Variants in IPO11 observed in about 807,000 individuals in gnomAD.
IPO11 encodes importin 11, also known as importin-11.
In IPO11, 66 loss-of-function variants were observed where a neutral mutation model predicts 143.2. The ratio of observed to expected loss-of-function variants is 0.46; its 90% CI spans 0.38 to 0.57. The LOEUF (loss-of-function observed/expected upper bound fraction) is 0.57. Ranked by LOEUF, IPO11 falls within the 20% of genes least tolerant of loss-of-function variation. IPO11 has a pLI of 0.00. For missense variants in IPO11, 1,026 were observed against 1,141.0 expected, an observed-to-expected ratio of 0.90 and a Z score of 1.45; for synonymous variants, 385 against 377.8, an observed-to-expected ratio of 1.02 and a Z score of -0.22.
intron 5 of IPO11, among the ~76,000 whole-genome samples, chr5:62,457,854 A>T (rs1162456422): frequency 2.0e-5 from 3 of 152,220 alleles, no homozygotes; most frequent in African/African-American, 7.2e-5. Flanking sequence ...AATTTATTTA[A>T]AAGATAAATG....
intron 27 of IPO11, among the ~76,000 whole-genome samples, chr5:62,563,521 G>T (rs995275978): frequency 6.6e-6 from 1 of 152,116 alleles, no homozygotes; most frequent in Non-Finnish European, 1.5e-5. Flanking sequence ...CATGTAAGTT[G>T]TGGAAATTTA....
chr5:62,477,813 A>G (rs1746013511), intron 9 of IPO11, among the ~76,000 whole-genome samples: 1 of 152,230 alleles, frequency 6.6e-6, no homozygotes, highest in African/African-American at 2.4e-5. Flanking sequence ...CTCTTTCTTA[A>G]GGTAATGACA....
At chr5:62,476,838 T>C in intron 9 of IPO11, 85 bp downstream of exon 9, 1 of 1,329,464 alleles carries the variant, frequency 7.5e-7, no homozygotes, top group Non-Finnish European at 9.9e-7. Flanking sequence ...TAACCATACA[T>C]TTTCACTTTA....
chr5:62,435,152 GTA>G (rs70981006), intron 1 of IPO11, among the ~76,000 whole-genome samples: 4,951 of 56,466 alleles, frequency 0.088, 402 homozygotes, highest in South Asian at 0.19. Flanking sequence ...ATGTATATAT[GTA>G]TATATATGTA....
rs147241442 is a variant in IPO11, at chr5:62,592,950, C to T, written c.2678+1278C>T. ...ACAGCCAAAAGATATCAATGGCACA[C>T]GACTGTAAATTGTATACTTAATATG... On this transcript the variant is annotated intron_variant, in intron 28 of 29. Coordinates refer to ENST00000325324, the MANE Select transcript of IPO11 (RefSeq NM_016338.5). Among the ~76,000 whole-genome samples the T allele has an allele frequency of 8.5e-5, 13 of 152,190 alleles. No individual in the cohort carries two copies. In the East Asian group the frequency reaches 9.7e-4, roughly 11 times the overall value.
At chr5:62,521,041 C>T (rs1330835510) in intron 20 of IPO11, among the ~76,000 whole-genome samples, 1 of 152,212 alleles carries the variant, frequency 6.6e-6, no homozygotes, top group African/African-American at 2.4e-5. Flanking sequence ...TTAATGATCT[C>T]CATTCTAACT....
At chr5:62,503,068 G>A (rs572963478) in intron 16 of IPO11, among the ~76,000 whole-genome samples, 2 of 151,908 alleles carry the variant, frequency 1.3e-5, no homozygotes, top group African/African-American at 4.8e-5. Flanking sequence ...CAAGTGATCC[G>A]CCTGCCTCCG....
At chr5:62,457,391 G>A (rs1420256004) in intron 5 of IPO11, among the ~76,000 whole-genome samples, 1 of 152,144 alleles carries the variant, frequency 6.6e-6, no homozygotes. Flanking sequence ...GGCTGAGGCG[G>A]CAGGATCACT....
rs547459001 is a variant in IPO11, at chr5:62,514,562, G to A, written c.1783-826G>A. 3.4e-5 allele frequency among the ~76,000 whole-genome samples: 5 copies of A among 147,024 alleles called. No homozygotes were observed. In the South Asian group the frequency reaches 8.6e-4, roughly 25 times the overall value. The stretch of plus-strand genomic sequence containing the variant: ...CAGCAGTACAGTCCAGCTTTGGCCC[G>A]GCATGAGAGGGAGACCGTGGAAAGG... On this transcript the variant is annotated intron_variant, in intron 19 of 29. Coordinates refer to ENST00000325324, the MANE Select transcript of IPO11 (RefSeq NM_016338.5).
At chr5:62,492,533 T>G (rs26622) in intron 15 of IPO11, among the ~76,000 whole-genome samples, 1 of 152,138 alleles carries the variant, frequency 6.6e-6, no homozygotes, top group South Asian at 2.1e-4. Flanking sequence ...TACTTTTTTT[T>G]GTAACTTTAT....
chr5:62,504,604 T>C, intron 16 of IPO11, 63 bp from the exon 17 acceptor site: 1 of 975,574 alleles, frequency 1.0e-6, no homozygotes, highest in Non-Finnish European at 1.5e-6. Flanking sequence ...AATTTTTTGT[T>C]TGATATTAAT....
chr5:62,471,513 C>A (rs910964228), intron 7 of IPO11, among the ~76,000 whole-genome samples: 1 of 152,014 alleles, frequency 6.6e-6, no homozygotes, highest in African/African-American at 2.4e-5. Context: ...TAATCTTACT[C>A]TTCAGAGATA....
At chr5:62,441,256 G>T (rs543849649) in intron 2 of IPO11, among the ~76,000 whole-genome samples, 2 of 152,024 alleles carry the variant, frequency 1.3e-5, no homozygotes, top group Admixed American at 1.3e-4. Flanking sequence ...GGAGTGCAAT[G>T]GTGCGATCTC....
chr5:62,444,313 C>T (rs1019572322), intron 3 of IPO11, among the ~76,000 whole-genome samples: 1 of 151,804 alleles, frequency 6.6e-6, no homozygotes. Context: ...AGGATGGTCT[C>T]GATCTCCTGA....
chr5:62,449,881 T>C, intron 3 of IPO11, 46 bp from the exon 4 acceptor site: 1 of 1,192,250 alleles, frequency 8.4e-7, no homozygotes, highest in East Asian at 2.5e-5. Flanking sequence ...ACATTTATTA[T>C]TAGGTGGCAT....
chr5:62,583,234 C>G (rs1744635979), intron 27 of IPO11, among the ~76,000 whole-genome samples: 1 of 151,992 alleles, frequency 6.6e-6, no homozygotes, highest in South Asian at 2.1e-4. Context: ...ACTAAAAGTA[C>G]TTGTTCATTG....
intron 1 of IPO11, among the ~76,000 whole-genome samples, chr5:62,435,232 G>A (rs1425950640): frequency 7.2e-6 from 1 of 138,826 alleles, no homozygotes; most frequent in Non-Finnish European, 1.5e-5. Context: ...ATATATCAGA[G>A]CAGCTGTAGT....
At chr5:62,572,071 A>C (rs1366714650) in intron 27 of IPO11, among the ~76,000 whole-genome samples, 3 of 152,210 alleles carry the variant, frequency 2.0e-5, no homozygotes, top group Non-Finnish European at 4.4e-5. Flanking sequence ...ATTCAAGTCC[A>C]GTCTATCTTA....
At chr5:62,572,779 C>T (rs551844581) in intron 27 of IPO11, among the ~76,000 whole-genome samples, 34 of 151,850 alleles carry the variant, frequency 2.2e-4, no homozygotes, top group Non-Finnish European at 4.1e-4. Context: ...GATGGGATTT[C>T]GCCATGTTGC....
Sources: allele counts gnomAD v4.1 joint callset (sites outside exome capture counted in the v4.1 genomes callset), GRCh38; gene constraint gnomAD v4.1.1; transcripts MANE v1.5; gene names NCBI Gene and HGNC (gene_info 2026-07-23, HGNC 2026-07-21).